Variants in UBE2V1 observed in about 807,000 individuals in gnomAD.
UBE2V1 encodes ubiquitin conjugating enzyme E2 V1.
Under a neutral mutation model 19.6 loss-of-function variants are expected in UBE2V1, and 15 were observed. The ratio of observed to expected loss-of-function variants is 0.77; its 90% CI spans 0.51 to 1.18. UBE2V1 has a LOEUF of 1.18. UBE2V1 is among the 50% of genes most tolerant of loss of function. UBE2V1 has a pLI of 0.00. For synonymous variants in UBE2V1, 60 were observed against 60.7 expected (o/e 0.99, Z 0.05); for missense variants, 125 against 184.8 (o/e 0.68, Z 1.88).
At chr20:50,106,864 ACAACAACAAC>A (rs2080401578) in intron 1 of UBE2V1, among the ~76,000 whole-genome samples, 1 of 95,020 alleles carries the variant, frequency 1.1e-5, no homozygotes, top group African/African-American at 5.1e-5. Flanking sequence ...AACAACAACA[ACAACAACAAC>A]AAAAAAAAAA....
At chr20:50,115,275 G>A (rs1412811960), upstream of UBE2V1, among the ~76,000 whole-genome samples, 1 of 152,178 alleles carries the variant, frequency 6.6e-6, no homozygotes, top group African/African-American at 2.4e-5. Flanking sequence ...CCTCAGGGAA[G>A]CCTTCCTCGA....
intron 1 of UBE2V1, among the ~76,000 whole-genome samples, chr20:50,102,285 G>A (rs1403281816): frequency 6.6e-6 from 1 of 152,096 alleles, no homozygotes; most frequent in Non-Finnish European, 1.5e-5. Context: ...CAAAAAAACT[G>A]GCCTGTACCC....
chr20:50,088,785 C>CAA (rs10661118), intron 2 of UBE2V1, among the ~76,000 whole-genome samples: 33,670 of 119,170 alleles, frequency 0.28, 4,505 homozygotes, highest in Middle Eastern at 0.4. Context: ...GACCCTATCT[C>CAA]AAAAAAAAAA....
rs571331300 is a variant in UBE2V1, at chr20:50,111,226, G to A, written c.22+1881C>T. Reference sequence around the variant, plus strand: ...TATCTAAACCATGCCAAGTGCTCTTGTATTCCACTAGACAGCAGCTGACAT... The same window carrying A: ...TATCTAAACCATGCCAAGTGCTCTTATATTCCACTAGACAGCAGCTGACAT... On this transcript the variant is annotated intron_variant, in intron 1 of 3. Transcript: ENST00000371674. 3 of 982,716 alleles carry A rather than the reference G, an allele frequency of 3.1e-6. No individual in the cohort carries two copies. In the Admixed American group the frequency reaches 1.8e-4, roughly 60 times the overall value. The allele number at this position is 982,716 out of a possible 1,614,324, so 60.9% of individuals were successfully genotyped here. A position where few individuals can be genotyped will look rare whatever the true frequency, so the allele number is the denominator to read the frequency against.
upstream of UBE2V1, among the ~76,000 whole-genome samples, chr20:50,113,409 A>T (rs2080907486): frequency 6.6e-6 from 1 of 152,218 alleles, no homozygotes; most frequent in South Asian, 2.1e-4. Flanking sequence ...AGGCTTGGGA[A>T]GGCGCGATTG....
At chr20:50,084,009 A>T in intron 3 of UBE2V1, 120 bp downstream of exon 3, 10 of 1,462,762 alleles carry the variant, frequency 6.8e-6, no homozygotes, top group Non-Finnish European at 9.2e-6. Flanking sequence ...GCACAGTGAT[A>T]CAGTTTATCA....
chr20:50,102,622 CCT>C (rs1555878800), intron 1 of UBE2V1, among the ~76,000 whole-genome samples: 1 of 152,150 alleles, frequency 6.6e-6, no homozygotes, highest in Non-Finnish European at 1.5e-5. Flanking sequence ...GAACTCCCGA[CCT>C]CAGGTGATCC....
chr20:50,113,389 A>G (rs1171875008), upstream of UBE2V1, among the ~76,000 whole-genome samples: 1 of 152,254 alleles, frequency 6.6e-6, no homozygotes, highest in Admixed American at 6.5e-5. Context: ...TGAGAAGGGC[A>G]GGGGTGACTA....
intron 2 of UBE2V1, 36 bp from the exon 3 acceptor site, chr20:50,084,290 C>T: frequency 1.2e-6 from 2 of 1,609,944 alleles, no homozygotes; most frequent in Non-Finnish European, 1.7e-6. Flanking sequence ...CACGCAATTA[C>T]AAACAAAGCA....
intron 2 of UBE2V1, chr20:50,096,347 G>C (rs1186915685): frequency 5.6e-6 from 2 of 358,418 alleles, no homozygotes; most frequent in Non-Finnish European, 1.0e-5. Flanking sequence ...AGGAATGCTG[G>C]CTATACCTAG....
chr20:50,098,642 G>A (rs1489210350), intron 1 of UBE2V1, among the ~76,000 whole-genome samples: 1 of 152,126 alleles, frequency 6.6e-6, no homozygotes, highest in African/African-American at 2.4e-5. Flanking sequence ...GGACAGAGTT[G>A]GTAGTGGTAT....
intron 1 of UBE2V1, among the ~76,000 whole-genome samples, chr20:50,105,104 C>T (rs1218762886): frequency 6.6e-6 from 1 of 151,990 alleles, no homozygotes; most frequent in African/African-American, 2.4e-5. Flanking sequence ...GGTTTCTCAC[C>T]CAAATCACAT....
intron 2 of UBE2V1, among the ~76,000 whole-genome samples, chr20:50,085,131 C>G (rs1397638353): frequency 6.6e-6 from 1 of 151,960 alleles, no homozygotes; most frequent in Non-Finnish European, 1.5e-5. Flanking sequence ...CTCAGCTGAT[C>G]TGCCCTCTTC....
chr20:50,106,224 C>T (rs1044976638), intron 1 of UBE2V1, among the ~76,000 whole-genome samples: 1 of 152,136 alleles, frequency 6.6e-6, no homozygotes, highest in Non-Finnish European at 1.5e-5. Flanking sequence ...TTTTCCTGGA[C>T]CTGTGTCAGT....
At position 50,106,878 on chromosome 20, in the gene UBE2V1, A is replaced by AC. The variant is rs1569017192; in HGVS notation, c.22+6228_22+6229insG. ...CAACAACAACAACAACAACAACAAA[A>AC]AAAAAAAAACAAAAAAAAGGTAGAA... On this transcript the variant is annotated intron_variant, in intron 1 of 3. Coordinates refer to ENST00000371674, the MANE Select transcript of UBE2V1 (RefSeq NM_001032288.3). Among the ~76,000 whole-genome samples the AC allele has an allele frequency of 7.8e-3, 1,083 of 139,600 alleles. 11 individuals are homozygous for AC. Among genetic ancestry groups the AC allele is most frequent in the African/African-American group, 0.026 (1,007 of 39,146 alleles). 91.6% of individuals were successfully genotyped at this position (139,600 alleles called of 152,430 possible). A position where few individuals can be genotyped will look rare whatever the true frequency, so the allele number is the denominator to read the frequency against.
rs540007928 is a variant in UBE2V1 at position 50,092,942 on chromosome 20, G to C, written c.171+3730C>G. Among the ~76,000 whole-genome samples the C allele has an allele frequency of 2.0e-5, 3 of 152,284 alleles. No homozygotes were observed. The East Asian group carries it at 5.8e-4, about 29-fold the overall frequency. On this transcript the variant is annotated intron_variant, in intron 2 of 3. Coordinates refer to ENST00000371674, the MANE Select transcript of UBE2V1 (RefSeq NM_001032288.3). ...TCCCATTCCTCCAGAGGTATTCTAA[G>C]CACACAGAAGCAGTGTATGCATGAG...
At chr20:50,107,479 T>C (rs2080463731) in intron 1 of UBE2V1, among the ~76,000 whole-genome samples, 1 of 152,154 alleles carries the variant, frequency 6.6e-6, no homozygotes. Flanking sequence ...AGATTTTCTT[T>C]GACAAAGGGG....
At chr20:50,096,868 C>T in intron 1 of UBE2V1, 48 bp from the exon 2 acceptor site, 1 of 1,610,448 alleles carries the variant, frequency 6.2e-7, no homozygotes, top group Non-Finnish European at 8.5e-7. Flanking sequence ...TCCAGGGGAA[C>T]TTGTAAGCCT....
intron 1 of UBE2V1, among the ~76,000 whole-genome samples, chr20:50,106,317 A>G (rs2080353301): frequency 6.6e-6 from 1 of 152,260 alleles, no homozygotes; most frequent in Admixed American, 6.5e-5. Context: ...AAAATATGGC[A>G]ACCAGGTTGA....
Sources: gnomAD v4.1 joint callset for allele counts (sites outside exome capture counted in the v4.1 genomes callset) on GRCh38, gnomAD v4.1.1 for gene constraint, MANE v1.5 for transcripts, NCBI Gene and HGNC (gene_info 2026-07-23, HGNC 2026-07-21) for gene names.